Variants in CNKSR3 observed in about 807,000 individuals in gnomAD.
CNKSR3 encodes the protein CNKSR family member 3, also known as connector enhancer of kinase suppressor of ras 3.
Under a neutral mutation model 67.7 loss-of-function variants are expected in CNKSR3, and 36 were observed. The observed-to-expected ratio is 0.53, with a 90% CI of 0.41 to 0.70. The LOEUF (loss-of-function observed/expected upper bound fraction) is 0.70, where lower values mean the gene tolerates loss of function less well. Ranked by LOEUF, CNKSR3 falls within the 30% of genes least tolerant of loss-of-function variation. The probability of loss-of-function intolerance (pLI) is 0.00; values close to 1 mark genes in which losing one functional copy is unlikely to be tolerated. For missense variants in CNKSR3, 630 were observed against 695.2 expected, an observed-to-expected ratio of 0.91 and a Z score of 1.05; for synonymous variants, 281 against 271.4, an observed-to-expected ratio of 1.04 and a Z score of -0.35.
intron 10 of CNKSR3, among the ~76,000 whole-genome samples, 166 bp downstream of exon 10, chr6:154,414,133 C>T (rs996336311): frequency 6.6e-6 from 1 of 152,152 alleles, no homozygotes; most frequent in Non-Finnish European, 1.5e-5. Flanking sequence ...TATGTCCCTA[C>T]ACTCCTATAA....
At chr6:154,442,879 A>AT (rs1175283008) in intron 2 of CNKSR3, among the ~76,000 whole-genome samples, 4 of 144,606 alleles carry the variant, frequency 2.8e-5, no homozygotes, top group Admixed American at 2.2e-4. Context: ...ACAGCTCATT[A>AT]TTTTTTTATT....
intron 9 of CNKSR3, among the ~76,000 whole-genome samples, chr6:154,415,874 A>C (rs71573682): frequency 0.023 from 3,485 of 152,342 alleles, 58 homozygotes; most frequent in Non-Finnish European, 0.037. Context: ...TAACAATGAC[A>C]ACAATGATTT....
In CNKSR3 at chr6:154,396,851, G is replaced by A. The variant is rs1023899392; in HGVS notation, c.*9503C>T. ...GTCTCGCTCTGTCTCCCAGGCTGGAGTGCAGTGGCGCAATCTCGGCTCACT... is the reference window on the plus strand; with the variant it reads ...GTCTCGCTCTGTCTCCCAGGCTGGAATGCAGTGGCGCAATCTCGGCTCACT... On this transcript the variant is annotated 3_prime_UTR_variant, in exon 13 of 13. Coordinates refer to ENST00000607772, the MANE Select transcript of CNKSR3 (RefSeq NM_173515.4). 3 of 150,936 alleles carry A rather than the reference G, an allele frequency of 2.0e-5. No homozygotes were observed. The highest frequency in any genetic ancestry group is 4.4e-5 in the Non-Finnish European group (3 of 67,910). The allele number at this position is 150,936 out of a possible 1,614,324, so 9.3% of individuals were successfully genotyped here. A position where few individuals can be genotyped will look rare whatever the true frequency, so the allele number is the denominator to read the frequency against.
intron 1 of CNKSR3, among the ~76,000 whole-genome samples, chr6:154,495,118 T>C (rs928280963): frequency 2.0e-5 from 3 of 152,304 alleles, no homozygotes; most frequent in African/African-American, 7.2e-5. Flanking sequence ...ACTGCCCTAT[T>C]CTAACACATT....
At position 154,414,288 on chromosome 6, in the gene CNKSR3, C is replaced by T. The variant is rs753034070; in HGVS notation, c.1070+11G>A. 7.0e-6 allele frequency: 11 copies of T among 1,575,296 alleles called. No homozygotes were observed. The highest frequency in any genetic ancestry group is 1.2e-5 in the South Asian group (1 of 82,804). On this transcript the variant is annotated intron_variant, in intron 10 of 12. Transcript: ENST00000607772. ...GAGACAAGCATACCATGACAATGGACAGCAACATACCGGGGAGAGTAGGGA... is the reference window on the plus strand; with the variant it reads ...GAGACAAGCATACCATGACAATGGATAGCAACATACCGGGGAGAGTAGGGA...
intron 1 of CNKSR3, among the ~76,000 whole-genome samples, chr6:154,475,745 G>C (rs536325141): frequency 6.6e-6 from 1 of 152,328 alleles, no homozygotes; most frequent in African/African-American, 2.4e-5. Flanking sequence ...ACTGTGGCTA[G>C]CTCTGCTCCA....
At chr6:154,508,280 A>G (rs370822037) in intron 1 of CNKSR3, among the ~76,000 whole-genome samples, 1 of 152,176 alleles carries the variant, frequency 6.6e-6, no homozygotes, top group South Asian at 2.1e-4. Flanking sequence ...AAATACTATC[A>G]TTTCCACATG....
intron 1 of CNKSR3, among the ~76,000 whole-genome samples, chr6:154,490,520 A>T (rs1786765805): frequency 6.6e-6 from 1 of 152,254 alleles, no homozygotes; most frequent in Non-Finnish European, 1.5e-5. Flanking sequence ...TGTATCTATT[A>T]TATGTGTGCA....
intron 10 of CNKSR3, 40 bp from the exon 11 acceptor site, chr6:154,411,182 G>T: frequency 7.0e-7 from 1 of 1,437,852 alleles, no homozygotes; most frequent in Non-Finnish European, 9.8e-7. Flanking sequence ...TGTTTACAAA[G>T]ATGTTCTCAT....
At chr6:154,442,050 A>G (rs1460061960) in intron 3 of CNKSR3, 38 bp downstream of exon 3, 1 of 1,540,010 alleles carries the variant, frequency 6.5e-7, no homozygotes, top group Admixed American at 1.9e-5. Context: ...GACTCTATCT[A>G]CTCTTGCAGG....
intron 1 of CNKSR3, among the ~76,000 whole-genome samples, chr6:154,463,036 T>C (rs374480428): frequency 1.9e-3 from 282 of 152,104 alleles, no homozygotes; most frequent in African/African-American, 6.5e-3. Flanking sequence ...GTTGTACAAT[T>C]TCCCCCCACC....
At chr6:154,426,161 A>G (rs1785250746) in intron 7 of CNKSR3, among the ~76,000 whole-genome samples, 1 of 152,130 alleles carries the variant, frequency 6.6e-6, no homozygotes, top group Non-Finnish European at 1.5e-5. Context: ...TTTGATCTCT[A>G]ACAAGATGGT....
chr6:154,402,487 T>C lies in CNKSR3; in HGVS notation c.*3867A>G, dbSNP rs1784729516. 1 of 152,236 alleles carries C rather than the reference T, an allele frequency of 6.6e-6. No individual in the cohort carries two copies. Among genetic ancestry groups the C allele is most frequent in the African/African-American group, 2.4e-5 (1 of 41,460 alleles). 9.4% of individuals were successfully genotyped at this position (152,236 alleles called of 1,614,324 possible). ...AGGAAGCCTATATACTGAGTGATTA[T>C]GAGCAAGAAAGCCAGAGCCAGGCTG... On this transcript the variant is annotated 3_prime_UTR_variant, in exon 13 of 13. Transcript: ENST00000607772.
intron 1 of CNKSR3, among the ~76,000 whole-genome samples, chr6:154,456,816 C>A (rs1207897001): frequency 1.3e-5 from 2 of 150,732 alleles, no homozygotes; most frequent in African/African-American, 2.4e-5. Flanking sequence ...CACAGACTCA[C>A]ACAAATTCAA....
At chr6:154,510,041 G>A (rs746301886) in intron 1 of CNKSR3, 22 bp downstream of exon 1, 17 of 1,613,762 alleles carry the variant, frequency 1.1e-5, no homozygotes, top group Middle Eastern at 1.7e-4. Flanking sequence ...GAGGACTCCG[G>A]ACCCCCCCAA....
intron 1 of CNKSR3, among the ~76,000 whole-genome samples, chr6:154,470,742 A>T (rs1277679086): frequency 6.6e-6 from 1 of 152,176 alleles, no homozygotes; most frequent in African/African-American, 2.4e-5. Flanking sequence ...TGTTGCTATG[A>T]ACATTCATGT....
At chr6:154,489,207 T>C (rs955119253) in intron 1 of CNKSR3, among the ~76,000 whole-genome samples, 25 of 152,150 alleles carry the variant, frequency 1.6e-4, no homozygotes, top group Non-Finnish European at 2.9e-4. Flanking sequence ...AGATGCTCAC[T>C]GTATGTATTT....
In CNKSR3 at chr6:154,390,482, T is replaced by C. The variant is rs1271505746; in HGVS notation, c.*15872A>G. 1 of 152,202 alleles carries C rather than the reference T, an allele frequency of 6.6e-6. No individual in the cohort carries two copies. Among genetic ancestry groups the C allele is most frequent in the Non-Finnish European group, 1.5e-5 (1 of 68,044 alleles). The allele number at this position is 152,202 out of a possible 1,614,324, so 9.4% of individuals were successfully genotyped here. A position where few individuals can be genotyped will look rare whatever the true frequency, so the allele number is the denominator to read the frequency against. ...CTTCTCATGGAAAAATTCTCACTATTAGGAGACAGGAAATGGGAGGCTCCC... is the reference window on the plus strand; with the variant it reads ...CTTCTCATGGAAAAATTCTCACTATCAGGAGACAGGAAATGGGAGGCTCCC... On this transcript the variant is annotated 3_prime_UTR_variant, in exon 13 of 13. Coordinates refer to ENST00000607772, the MANE Select transcript of CNKSR3 (RefSeq NM_173515.4).
chr6:154,440,811 G>A (rs1785565769), intron 4 of CNKSR3, among the ~76,000 whole-genome samples: 1 of 152,108 alleles, frequency 6.6e-6, no homozygotes, highest in African/African-American at 2.4e-5. Context: ...AAATAATCAA[G>A]GAATAAACTG....
Sources: gnomAD v4.1 joint callset for allele counts (sites outside exome capture counted in the v4.1 genomes callset) on GRCh38, gnomAD v4.1.1 for gene constraint, MANE v1.5 for transcripts, NCBI Gene and HGNC (gene_info 2026-07-23, HGNC 2026-07-21) for gene names.